The following LHCGR variants were observed in gnomAD, a reference collection of about 807,000 sequenced individuals.
LHCGR encodes the protein lutropin-choriogonadotropic hormone receptor.
In LHCGR, 55 loss-of-function variants were observed where a neutral mutation model predicts 60.7. The observed-to-expected ratio is 0.91, with a 90% CI of 0.73 to 1.13. The LOEUF (loss-of-function observed/expected upper bound fraction) is 1.13, where lower values mean the gene tolerates loss of function less well. Among genes scored for constraint, LHCGR ranks in the 50% most tolerant of loss-of-function variants. The pLI is 0.00. For synonymous variants in LHCGR, 337 were observed against 316.5 expected, an observed-to-expected ratio of 1.06 and a Z score of -0.69; for missense variants, 862 against 836.0, an observed-to-expected ratio of 1.03 and a Z score of -0.38.
At chr2:48,709,095 G>T in intron 7 of LHCGR, 73 bp from the exon 8 acceptor site, 1 of 1,150,082 alleles carries the variant, frequency 8.7e-7, no homozygotes. Flanking sequence ...ATATACACAT[G>T]TTTAGACCAA....
intron 6 of LHCGR, 144 bp from the exon 7 acceptor site, chr2:48,714,198 AATTT>A (rs1235748870): frequency 2.2e-5 from 15 of 693,594 alleles, no homozygotes; most frequent in Admixed American, 6.2e-5. Context: ...CACCACCATC[AATTT>A]ATTAAGTGTC....
At chr2:48,716,953 T>G (rs1558852337) in intron 6 of LHCGR, among the ~76,000 whole-genome samples, 1 of 152,190 alleles carries the variant, frequency 6.6e-6, no homozygotes. Context: ...AAATATGCAC[T>G]TTTATAACAA....
rs1572801033 is a variant in LHCGR at position 48,687,846 on chromosome 2, A to G, written c.1951T>C (p.Tyr651His). The G allele has an allele frequency of 1.2e-6, 2 of 1,614,188 alleles. No individual in the cohort carries two copies. Among genetic ancestry groups the G allele is most frequent in the Middle Eastern group, 1.6e-4 (1 of 6,062 alleles). The part of the protein sequence containing the change: ...FGCCKRRAEL[Y>H]RRKDFSAYTS... The stretch of plus-strand genomic sequence containing the variant: ...TAAGCTGAAAAATCTTTCCTTCTAT[A>G]AAGTTCAGCCCGACGTTTACAGCAG... Residue 651 changes from tyrosine (Y) to histidine (H), a missense_variant, in exon 11 of 11, where the codon TAT becomes CAT. By Grantham distance (83) the Tyr-to-His change is moderately conservative. Transcript: ENST00000294954.
intron 7 of LHCGR, among the ~76,000 whole-genome samples, chr2:48,711,454 T>A (rs183378919): frequency 1.3e-5 from 2 of 152,332 alleles, no homozygotes; most frequent in East Asian, 3.9e-4. Flanking sequence ...ATTAAGTTTG[T>A]TCTTGGCAAA....
intron 8 of LHCGR, among the ~76,000 whole-genome samples, chr2:48,706,128 G>T (rs751020586): frequency 1.3e-5 from 2 of 152,138 alleles, no homozygotes; most frequent in African/African-American, 4.8e-5. Context: ...GTCTGTAAAG[G>T]ATTTTATTTC....
chr2:48,755,512 G>C lies in LHCGR; in HGVS notation c.160C>G (p.Leu54Val). The change falls in exon 1 of 11, where the codon CTA (leucine) becomes GTA (valine). Residue 54 changes from leucine (L) to valine (V), a missense_variant and splice_region_variant. By Grantham distance (32) the Leu-to-Val change is conservative (BLOSUM62 1). Transcript: ENST00000294954. The stretch of plus-strand genomic sequence containing the variant: ...GCGACGGGAGCGCTGTGTACTCACA[G>C]TCGAGTGAGACCGGCCGTGGGGCCG... Reference protein sequence around the residue: ...CPGPTAGLTRLSLAYLPVKVI... With the variant: ...CPGPTAGLTRVSLAYLPVKVI... 6.5e-7 allele frequency: 1 copy of C among 1,538,394 alleles called. No individual in the cohort carries two copies. The highest frequency in any genetic ancestry group is 1.2e-5 in the South Asian group (1 of 83,396).
At chr2:48,696,697 G>A (rs773473895) in intron 9 of LHCGR, among the ~76,000 whole-genome samples, 2 of 152,170 alleles carry the variant, frequency 1.3e-5, no homozygotes, top group Non-Finnish European at 2.9e-5. Context: ...GATGAGGAAG[G>A]ATAAATGAGG....
At chr2:48,694,080 A>T (rs539178756) in intron 10 of LHCGR, 144 bp downstream of exon 10, 1 of 650,136 alleles carries the variant, frequency 1.5e-6, no homozygotes, top group Non-Finnish European at 2.8e-6. Context: ...GCAAAGAAAA[A>T]ATTCCCATTT....
chr2:48,695,672 G>C (rs1430229160), intron 9 of LHCGR, among the ~76,000 whole-genome samples: 1 of 152,090 alleles, frequency 6.6e-6, no homozygotes, highest in Non-Finnish European at 1.5e-5. Flanking sequence ...ATTGGATAAA[G>C]AAAATGTGGT....
At chr2:48,750,079 G>C (rs923528342) in intron 1 of LHCGR, among the ~76,000 whole-genome samples, 1 of 152,176 alleles carries the variant, frequency 6.6e-6, no homozygotes, top group Non-Finnish European at 1.5e-5. Context: ...GGTGGTTGTG[G>C]TGGTGGTGAG....
chr2:48,745,055 C>G (rs1224157666), intron 1 of LHCGR, among the ~76,000 whole-genome samples: 74 of 152,242 alleles, frequency 4.9e-4, no homozygotes, highest in African/African-American at 1.8e-3. Flanking sequence ...AGACACTTCT[C>G]AAAAGAAGAC....
intron 10 of LHCGR, among the ~76,000 whole-genome samples, chr2:48,689,185 A>G (rs66991447): frequency 0.073 from 11,074 of 151,342 alleles, 478 homozygotes; most frequent in Non-Finnish European, 0.1. Flanking sequence ...ATATACACAC[A>G]TATATATACT....
Position 48,740,441 on chromosome 2 carries a change from T to G in LHCGR, c.162-9143A>C, listed in dbSNP as rs561596434. Among the ~76,000 whole-genome samples the G allele has an allele frequency of 3.5e-3, 527 of 152,354 alleles. 3 individuals carry two copies. The highest frequency in any genetic ancestry group is 0.012 in the African/African-American group (502 of 41,580). ...TAACCTCTGCAGACTTAAATGTCCC[T>G]GTCTGACAGCTTTGAAGAGAGCAGT... is the stretch of plus-strand genomic sequence containing the variant. On this transcript the variant is annotated intron_variant, in intron 1 of 10. Transcript: ENST00000294954.
chr2:48,705,018 T>C (rs550070885), intron 8 of LHCGR, among the ~76,000 whole-genome samples: 1 of 152,374 alleles, frequency 6.6e-6, no homozygotes, highest in African/African-American at 2.4e-5. Flanking sequence ...CCTTTCCTTG[T>C]GGGCATTTAG....
chr2:48,721,226 G>A (rs1668479938), intron 6 of LHCGR: 1 of 157,380 alleles, frequency 6.4e-6, no homozygotes, highest in Non-Finnish European at 1.4e-5. Flanking sequence ...TAAGGCATGT[G>A]ATATCACCTC....
chr2:48,690,258 C>A (rs913110442), intron 10 of LHCGR, among the ~76,000 whole-genome samples: 1 of 152,196 alleles, frequency 6.6e-6, no homozygotes, highest in African/African-American at 2.4e-5. Context: ...ATCTCTCCAA[C>A]CTCATCTCTA....
chr2:48,704,611 G>A (rs1667573461), intron 8 of LHCGR, among the ~76,000 whole-genome samples: 1 of 152,164 alleles, frequency 6.6e-6, no homozygotes, highest in Non-Finnish European at 1.5e-5. Flanking sequence ...TCCTGGTTTA[G>A]TCTTGGGAGG....
intron 6 of LHCGR, among the ~76,000 whole-genome samples, chr2:48,715,743 C>G (rs1358535624): frequency 6.6e-6 from 1 of 152,082 alleles, no homozygotes; most frequent in East Asian, 1.9e-4. Context: ...CTGAGACAAA[C>G]CAACATATAA....
chr2:48,737,161 T>G (rs140750113), intron 1 of LHCGR, among the ~76,000 whole-genome samples: 263 of 152,304 alleles, frequency 1.7e-3, no homozygotes, highest in African/African-American at 6.1e-3. Context: ...ATGGCAGAAG[T>G]GAAGTGTTTT....
Sources: allele counts gnomAD v4.1 joint callset (sites outside exome capture counted in the v4.1 genomes callset), GRCh38; gene constraint gnomAD v4.1.1; transcripts MANE v1.5; gene names NCBI Gene and HGNC (gene_info 2026-07-23, HGNC 2026-07-21).